The following BIK variants were observed in gnomAD, a reference collection of about 807,000 sequenced individuals.
BIK encodes the protein BCL2 interacting killer.
BIK carries 14 observed loss-of-function variants against 12.1 expected under a neutral mutation model. The ratio of observed to expected loss-of-function variants is 1.16; its 90% CI spans 0.77 to 1.81. BIK has a LOEUF of 1.81. BIK is among the 40% of genes most tolerant of loss of function. BIK has a pLI of 0.00. For missense variants in BIK, 215 were observed against 207.9 expected, an observed-to-expected ratio of 1.03 and a Z score of -0.21; for synonymous variants, 86 against 92.3, an observed-to-expected ratio of 0.93 and a Z score of 0.39.
At chr22:43,119,361 G>T (rs185755959) in intron 1 of BIK, among the ~76,000 whole-genome samples, 47 of 152,184 alleles carry the variant, frequency 3.1e-4, no homozygotes, top group African/African-American at 1.1e-3. Flanking sequence ...CCTCACAGTG[G>T]GTCCTCTGGG....
rs113109545 is a variant in BIK, at chr22:43,116,441, G to T, written c.-8+5638G>T. Among the ~76,000 whole-genome samples the T allele has an allele frequency of 4.6e-5, 7 of 151,654 alleles. 1 individual carries two copies. Among genetic ancestry groups the T allele is most frequent in the African/African-American group, 1.7e-4 (7 of 41,282 alleles). On this transcript the variant is annotated intron_variant, in intron 1 of 4. Transcript: ENST00000216115. ...TCCAAAAGGCTAAGCTGTGACGTTG[G>T]GTAGGTTACATGTATTAAATGCATT...
At chr22:43,123,145 G>A (rs922263173) in intron 1 of BIK, among the ~76,000 whole-genome samples, 2 of 152,120 alleles carry the variant, frequency 1.3e-5, no homozygotes, top group African/African-American at 4.8e-5. Flanking sequence ...TCCCATTTGT[G>A]AAGAAGGATG....
intron 1 of BIK, among the ~76,000 whole-genome samples, chr22:43,113,832 T>G (rs1057162539): frequency 1.4e-4 from 21 of 152,218 alleles, no homozygotes; most frequent in African/African-American, 5.1e-4. Flanking sequence ...CATGAGATTT[T>G]GACTACCGTC....
chr22:43,111,288 C>T (rs531263447), intron 1 of BIK, among the ~76,000 whole-genome samples: 1 of 152,250 alleles, frequency 6.6e-6, no homozygotes, highest in Non-Finnish European at 1.5e-5. Flanking sequence ...GACCGGCTCC[C>T]GGAGGCGCTG....
chr22:43,118,912 C>A (rs1047699816), intron 1 of BIK, among the ~76,000 whole-genome samples: 2 of 152,018 alleles, frequency 1.3e-5, no homozygotes, highest in Non-Finnish European at 2.9e-5. Context: ...CAGAACACAT[C>A]TCTACTTGCT....
At chr22:43,127,555 C>A in intron 2 of BIK, 142 bp from the exon 3 acceptor site, 1 of 701,314 alleles carries the variant, frequency 1.4e-6, no homozygotes, top group Non-Finnish European at 2.4e-6. Context: ...GGGAGGCCCA[C>A]TCACTGCCTG....
chr22:43,117,671 A>AT (rs1215243399), intron 1 of BIK, among the ~76,000 whole-genome samples: 28 of 147,090 alleles, frequency 1.9e-4, no homozygotes, highest in Admixed American at 2.0e-4. Flanking sequence ...CGCCCGGCCC[A>AT]TATTTTTTTT....
chr22:43,126,437 G>C (rs553439762), intron 2 of BIK, among the ~76,000 whole-genome samples: 1 of 151,840 alleles, frequency 6.6e-6, no homozygotes, highest in Non-Finnish European at 1.5e-5. Flanking sequence ...TGCCTGCCTC[G>C]GCCTCCCAAA....
chr22:43,111,563 G>C (rs989203143), intron 1 of BIK, among the ~76,000 whole-genome samples: 21 of 152,182 alleles, frequency 1.4e-4, no homozygotes, highest in Non-Finnish European at 2.4e-4. Flanking sequence ...GTGGGGTTCG[G>C]AGCTGGTCGT....
rs779794140 is a variant in BIK at position 43,124,220 on chromosome 22, A to G, written c.161+37A>G. On this transcript the variant is annotated intron_variant, in intron 2 of 4. Transcript: ENST00000216115. The stretch of plus-strand genomic sequence containing the variant: ...TGGCCTGCCCTACCCCCTGCCTGAT[A>G]GTGACTTCAGGGGTGGGCTGGATGA... 5.0e-6 allele frequency: 8 copies of G among 1,608,082 alleles called. No individual in the cohort carries two copies. The South Asian group carries it at 7.7e-5, about 16-fold the overall frequency.
At position 43,129,314 on chromosome 22, in the gene BIK, C is replaced by A; in HGVS notation, c.*9C>A. The A allele has an allele frequency of 5.0e-6, 8 of 1,596,654 alleles. No homozygotes were observed. The highest frequency in any genetic ancestry group is 5.9e-6 in the Non-Finnish European group (7 of 1,178,178). ...ACCTGCTGCTCAAGTGAGGCCCCGG[C>A]GGCTCAGGGCGGGGCTGGCCCCACC... On this transcript the variant is annotated 3_prime_UTR_variant, in exon 5 of 5. Transcript: ENST00000216115.
Position 43,129,065 on chromosome 22 carries a change from C to A in BIK, c.391-148C>A, listed in dbSNP as rs964545881. The A allele has an allele frequency of 2.8e-6, 4 of 1,415,112 alleles. No homozygotes were observed. The East Asian group carries it at 6.9e-5, about 24-fold the overall frequency. The allele number at this position is 1,415,112 out of a possible 1,614,324, so 87.7% of individuals were successfully genotyped here. A position where few individuals can be genotyped will look rare whatever the true frequency, so the allele number is the denominator to read the frequency against. On this transcript the variant is annotated intron_variant, in intron 4 of 4. Transcript: ENST00000216115. ...CCACGTCCTCAGGGCCACTTTCCCC[C>A]TCTCCTGAACTCCTTCCTTCTCTGG...
intron 1 of BIK, among the ~76,000 whole-genome samples, chr22:43,114,404 G>A (rs989800434): frequency 1.3e-5 from 2 of 152,126 alleles, no homozygotes; most frequent in African/African-American, 4.8e-5. Flanking sequence ...CCGGGTTCAG[G>A]TGATTCTCCT....
intron 1 of BIK, among the ~76,000 whole-genome samples, chr22:43,122,212 G>A (rs780473932): frequency 1.3e-4 from 20 of 152,246 alleles, no homozygotes; most frequent in Non-Finnish European, 2.5e-4. Flanking sequence ...AGTGTCCTGT[G>A]TGAACAAACA....
Position 43,122,735 on chromosome 22 carries a change from C to G in BIK, c.-7-1281C>G, listed in dbSNP as rs149372570. Among the ~76,000 whole-genome samples the G allele has an allele frequency of 9.9e-5, 15 of 152,284 alleles. No individual in the cohort carries two copies. The East Asian group carries it at 2.9e-3, about 29-fold the overall frequency. ...AACTCAGTGAATGGTGATGAGGACA[C>G]ATTTGGGTTCATTTTTCTTACACAC... is the stretch of plus-strand genomic sequence containing the variant. On this transcript the variant is annotated intron_variant, in intron 1 of 4. Transcript: ENST00000216115.
chr22:43,124,760 C>T (rs1930282610), intron 2 of BIK, among the ~76,000 whole-genome samples: 1 of 152,142 alleles, frequency 6.6e-6, no homozygotes, highest in Non-Finnish European at 1.5e-5. Flanking sequence ...GGCCTGGTGG[C>T]ACATGTCTGT....
At chr22:43,120,841 G>T (rs1930205774) in intron 1 of BIK, among the ~76,000 whole-genome samples, 1 of 152,270 alleles carries the variant, frequency 6.6e-6, no homozygotes, top group Admixed American at 6.5e-5. Context: ...CCAGAGGCCA[G>T]ATGGTTAAAG....
rs1930368428 is a variant in BIK, at chr22:43,128,537, G to A, written c.302G>A (p.Arg101Lys). 6.2e-7 allele frequency: 1 copy of A among 1,613,730 alleles called. No individual in the cohort carries two copies. The highest frequency in any genetic ancestry group is 8.5e-7 in the Non-Finnish European group (1 of 1,179,708). The change falls in exon 4 of 5, where the codon AGG (arginine) becomes AAG (lysine). Residue 101 changes from arginine (R) to lysine (K), a missense_variant. By Grantham distance (26) the Arg-to-Lys change is conservative. Transcript: ENST00000216115. ...AFIYDQTEDI[R>K]DVLRSFMDGF... ...ATCTACGACCAGACTGAGGACATCAGGGATGTTCTTAGAAGTTTCATGGAC... is the reference window on the plus strand; with the variant it reads ...ATCTACGACCAGACTGAGGACATCAAGGATGTTCTTAGAAGTTTCATGGAC...
At chr22:43,125,392 C>T (rs1400412262) in intron 2 of BIK, among the ~76,000 whole-genome samples, 2 of 152,070 alleles carry the variant, frequency 1.3e-5, no homozygotes, top group African/African-American at 2.4e-5. Flanking sequence ...TCAACTGCCT[C>T]TGACGGCTCT....
Sources: allele counts gnomAD v4.1 joint callset (sites outside exome capture counted in the v4.1 genomes callset), GRCh38; gene constraint gnomAD v4.1.1; transcripts MANE v1.5; gene names NCBI Gene and HGNC (gene_info 2026-07-23, HGNC 2026-07-21).